Variants in MKKS observed in about 807,000 individuals in gnomAD.
The protein encoded by MKKS is molecular chaperone MKKS.
Under a neutral mutation model 33.2 loss-of-function variants are expected in MKKS, and 29 were observed. The observed-to-expected ratio is 0.87, with a 90% CI of 0.65 to 1.19. The LOEUF is 1.19. Among genes scored for constraint, MKKS ranks in the 50% most tolerant of loss-of-function variants. The probability of loss-of-function intolerance (pLI) is 0.00; values close to 1 mark genes in which losing one functional copy is unlikely to be tolerated. For synonymous variants in MKKS, 260 were observed against 244.0 expected (o/e 1.07, Z -0.61); for missense variants, 661 against 662.3 (o/e 1.00, Z 0.02).
At position 10,404,438 on chromosome 20, in the gene MKKS, A is replaced by C. The variant is rs1405757916; in HGVS notation, c.*809T>G. On this transcript the variant is annotated 3_prime_UTR_variant, in exon 6 of 6. Coordinates refer to ENST00000347364, the MANE Select transcript of MKKS (RefSeq NM_170784.3). ...TACTGGCATCTAGTGTGCAGAGGCCAGGGATGCTGCTCAGTAAGCTGTAAT... is the reference window on the plus strand; with the variant it reads ...TACTGGCATCTAGTGTGCAGAGGCCCGGGATGCTGCTCAGTAAGCTGTAAT... 4 of 151,352 alleles carry C rather than the reference A, an allele frequency of 2.6e-5. No individual in the cohort carries two copies. Among genetic ancestry groups the C allele is most frequent in the African/African-American group, 9.7e-5 (4 of 41,142 alleles). The allele number at this position is 151,352 out of a possible 1,614,324, so 9.4% of individuals were successfully genotyped here.
intron 1 of MKKS, among the ~76,000 whole-genome samples, chr20:10,428,589 A>G (rs893860710): frequency 3.3e-5 from 5 of 152,196 alleles, no homozygotes; most frequent in Admixed American, 3.3e-4. Context: ...CTCTAATTCC[A>G]GCACTCGGGG....
At position 10,403,259 on chromosome 20, in the gene MKKS, A is replaced by G. The variant is rs529743984; in HGVS notation, c.*1988T>C. On this transcript the variant is annotated 3_prime_UTR_variant, in exon 6 of 6. Coordinates refer to ENST00000347364, the MANE Select transcript of MKKS (RefSeq NM_170784.3). ...TTTACCACCAAATATCAGAAGTGAT[A>G]TCCTGTCCCTTCTGCTGTATTCTAT... 2.0e-5 allele frequency: 3 copies of G among 152,320 alleles called. No homozygotes were observed. In the South Asian group the frequency reaches 6.2e-4, roughly 32 times the overall value. 9.4% of individuals were successfully genotyped at this position (152,320 alleles called of 1,614,324 possible).
intron 1 of MKKS, among the ~76,000 whole-genome samples, chr20:10,430,356 G>A (rs1271687002): frequency 6.6e-6 from 1 of 152,198 alleles, no homozygotes; most frequent in East Asian, 1.9e-4. Context: ...GTTCCATTGT[G>A]TGTACAATGT....
chr20:10,409,893 C>G (rs1482611487), intron 3 of MKKS, among the ~76,000 whole-genome samples: 1 of 140,368 alleles, frequency 7.1e-6, no homozygotes, highest in Non-Finnish European at 1.5e-5. Context: ...ATCGCTTGAA[C>G]CTGGGGGGCA....
intron 2 of MKKS, among the ~76,000 whole-genome samples, chr20:10,419,772 C>A (rs1458103506): frequency 6.6e-6 from 1 of 152,116 alleles, no homozygotes; most frequent in African/African-American, 2.4e-5. Context: ...TCACATCCTG[C>A]GTGGATGAAG....
At chr20:10,415,406 A>G (rs1023956917) in intron 2 of MKKS, among the ~76,000 whole-genome samples, 3 of 152,308 alleles carry the variant, frequency 2.0e-5, no homozygotes, top group Non-Finnish European at 2.9e-5. Context: ...TGTTATGCAA[A>G]TGTTATTTTG....
chr20:10,426,252 T>C (rs1426722058), intron 1 of MKKS, among the ~76,000 whole-genome samples: 2 of 152,222 alleles, frequency 1.3e-5, no homozygotes, highest in Non-Finnish European at 2.9e-5. Context: ...TACTAAGCAA[T>C]TCTTCAAGTC....
chr20:10,432,652 G>C (rs1229494140), intron 1 of MKKS, among the ~76,000 whole-genome samples: 1 of 152,102 alleles, frequency 6.6e-6, no homozygotes, highest in Non-Finnish European at 1.5e-5. Flanking sequence ...AAATTAGCCA[G>C]GTGCAGTGGC....
chr20:10,413,262 C>T lies in MKKS; in HGVS notation c.253G>A (p.Val85Met), dbSNP rs1406658072. 1.9e-6 allele frequency: 3 copies of T among 1,614,098 alleles called. No homozygotes were observed. The highest frequency in any genetic ancestry group is 2.2e-5 in the South Asian group (2 of 91,086). ...KILTASIQNH[V>M]SSFSDCGLFT... ...AAGCCACAATCACTGAAGCTTGACA[C>T]ATGATTCTGTATGGAGGCTGTCAGG... The change falls in exon 3 of 6, where the codon GTG (valine) becomes ATG (methionine). Residue 85 changes from valine to methionine, a missense_variant. Coordinates refer to ENST00000347364, the MANE Select transcript of MKKS (RefSeq NM_170784.3).
intron 1 of MKKS, among the ~76,000 whole-genome samples, chr20:10,425,740 T>C (rs528289285): frequency 1.3e-5 from 2 of 152,320 alleles, no homozygotes; most frequent in South Asian, 2.1e-4. Context: ...TAAAATAAGT[T>C]AGTGTTTGAT....
chr20:10,423,532 G>A (rs1046237115), intron 1 of MKKS, among the ~76,000 whole-genome samples: 2 of 152,194 alleles, frequency 1.3e-5, no homozygotes, highest in Non-Finnish European at 2.9e-5. Flanking sequence ...ATGACAATCT[G>A]TAACACTAAT....
At chr20:10,416,808 T>C (rs1454034972) in intron 2 of MKKS, among the ~76,000 whole-genome samples, 1 of 152,178 alleles carries the variant, frequency 6.6e-6, no homozygotes, top group East Asian at 1.9e-4. Context: ...CTATGGACCA[T>C]ATCCAGACTG....
intron 2 of MKKS, among the ~76,000 whole-genome samples, chr20:10,418,404 A>T (rs2122248653): frequency 6.6e-6 from 1 of 152,302 alleles, no homozygotes; most frequent in Admixed American, 6.5e-5. Context: ...CATGTATGTA[A>T]TTTTCCATAA....
intron 5 of MKKS, among the ~76,000 whole-genome samples, chr20:10,407,239 T>C (rs1192299728): frequency 6.6e-6 from 1 of 152,164 alleles, no homozygotes; most frequent in Non-Finnish European, 1.5e-5. Context: ...TATTACTGTA[T>C]TGCAGCAGTT....
chr20:10,424,789 T>A (rs542007929), intron 1 of MKKS, among the ~76,000 whole-genome samples: 1 of 152,156 alleles, frequency 6.6e-6, no homozygotes, highest in Non-Finnish European at 1.5e-5. Context: ...CGGTGGCTCA[T>A]GCCTGTAATC....
intron 1 of MKKS, among the ~76,000 whole-genome samples, chr20:10,426,557 G>A (rs1654118973): frequency 6.6e-6 from 1 of 152,144 alleles, no homozygotes; most frequent in South Asian, 2.1e-4. Flanking sequence ...ACGCCACCAT[G>A]CCCGACTAAT....
Position 10,413,655 on chromosome 20 carries a change from C to T in MKKS, c.-141G>A. The T allele has an allele frequency of 1.1e-6, 1 of 881,412 alleles. No homozygotes were observed. 54.6% of individuals were successfully genotyped at this position (881,412 alleles called of 1,614,324 possible). A position where few individuals can be genotyped will look rare whatever the true frequency, so the allele number is the denominator to read the frequency against. ...ATATGCAGCATTGTGGCTATAAAAT[C>T]AAAAAGTTCAATGTTTATGAAGCTA... On this transcript the variant is annotated 5_prime_UTR_variant, in exon 3 of 6. Coordinates refer to ENST00000347364, the MANE Select transcript of MKKS (RefSeq NM_170784.3).
At chr20:10,421,748 C>G (rs2064982083) in intron 1 of MKKS, among the ~76,000 whole-genome samples, 1 of 151,720 alleles carries the variant, frequency 6.6e-6, no homozygotes, top group African/African-American at 2.4e-5. Flanking sequence ...AGACAGTTGC[C>G]TGGAGTTACA....
Position 10,407,726 on chromosome 20 carries a change from G to T in MKKS, c.1162C>A (p.Leu388Ile). Reference sequence around the variant, plus strand: ...ACATGCAGTGCCGTCTGACACGTGAGCTAAGAAAAAACCCAAATCATCAGA... The same window carrying T: ...ACATGCAGTGCCGTCTGACACGTGATCTAAGAAAAAACCCAAATCATCAGA... ...RNDTAWDELK[L>I]TCQTALHVLQ... The change falls in exon 5 of 6, where the codon CTC (leucine) becomes ATC (isoleucine). Residue 388 changes from leucine (L) to isoleucine (I), a missense_variant and splice_region_variant. Coordinates refer to ENST00000347364, the MANE Select transcript of MKKS (RefSeq NM_170784.3). 6.2e-7 allele frequency: 1 copy of T among 1,612,498 alleles called. No individual in the cohort carries two copies. Among genetic ancestry groups the T allele is most frequent in the Non-Finnish European group, 8.5e-7 (1 of 1,178,976 alleles).
Sources: allele counts gnomAD v4.1 joint callset (sites outside exome capture counted in the v4.1 genomes callset), GRCh38; gene constraint gnomAD v4.1.1; transcripts MANE v1.5; gene names NCBI Gene and HGNC (gene_info 2026-07-23, HGNC 2026-07-21).